The following ACVR2B variants were observed in gnomAD, a reference collection of about 807,000 sequenced individuals.
ACVR2B encodes activin receptor type-2B.
ACVR2B carries 18 observed loss-of-function variants against 65.1 expected under a neutral mutation model. The observed-to-expected ratio is 0.28, with a 90% confidence interval of 0.19 to 0.41. ACVR2B has a LOEUF of 0.41. Ranked by LOEUF, ACVR2B falls within the 10% of genes least tolerant of loss-of-function variation. ACVR2B has a pLI of 1.00. For synonymous variants in ACVR2B, 298 were observed against 277.7 expected (o/e 1.07, Z -0.73); for missense variants, 482 against 682.7 (o/e 0.71, Z 3.28).
intron 6 of ACVR2B, 114 bp downstream of exon 6, chr3:38,479,385 C>A (rs894650369): frequency 1.1e-5 from 17 of 1,483,118 alleles, no homozygotes; most frequent in Non-Finnish European, 1.4e-5. Flanking sequence ...AGTACTCTGC[C>A]CCGGTAGCAC....
chr3:38,477,721 C>T lies in ACVR2B; in HGVS notation c.261-140C>T. The T allele has an allele frequency of 9.3e-7, 1 of 1,072,098 alleles. No individual in the cohort carries two copies. The highest frequency in any genetic ancestry group is 1.5e-6 in the Non-Finnish European group (1 of 687,342). 66.4% of individuals were successfully genotyped at this position (1,072,098 alleles called of 1,614,324 possible). ...CTGTTCTTCCTTGGCTTTGGGTCTC[C>T]TGTAGGGGAGGTGAGTTCACACCGT... On this transcript the variant is annotated intron_variant, in intron 2 of 10. Transcript: ENST00000352511. This position sits in a 1 kb window ranked among gnomAD's most constrained non-coding sequence, Gnocchi z 6.7.
chr3:38,454,347 G>T lies in ACVR2B; in HGVS notation c.25G>T (p.Ala9Ser). Residue 9 changes from alanine to serine, a missense_variant, in exon 1 of 11, where the codon GCC (alanine) becomes TCC (serine). Ala to Ser is a moderately conservative substitution (Grantham distance 99). Around this residue, in one of 5 missense-constraint regions of ACVR2B, gnomAD observed 41 missense variants for 38.2 expected, o/e 1.07. Transcript: ENST00000352511. MTAPWVAL[A>S]LLWGSLCAGS... ...CATGACGGCGCCCTGGGTGGCCCTC[G>T]CCCTCCTCTGGGGATCGCTGTGCGC... The T allele has an allele frequency of 7.7e-7, 1 of 1,297,146 alleles. No homozygotes were observed. The allele number at this position is 1,297,146 out of a possible 1,614,324, so 80.4% of individuals were successfully genotyped here.
intron 1 of ACVR2B, chr3:38,473,665 G>C (rs1709858065): frequency 6.6e-6 from 1 of 152,402 alleles, no homozygotes; most frequent in South Asian, 2.1e-4. Context: ...CAGGGGACTT[G>C]TGTTATGAGG....
intron 1 of ACVR2B, chr3:38,459,825 TGGA>T (rs1327398634): frequency 8.2e-6 from 2 of 244,038 alleles, no homozygotes; most frequent in Non-Finnish European, 1.3e-5. Context: ...GAGGCCCTGG[TGGA>T]GCGGTTGGTA....
At chr3:38,465,424 G>C (rs1216622730) in intron 1 of ACVR2B, among the ~76,000 whole-genome samples, 2 of 148,772 alleles carry the variant, frequency 1.3e-5, no homozygotes, top group Non-Finnish European at 3.0e-5. Context: ...AAAAATAGCA[G>C]TGTTCACTGT....
rs1029942693 is a variant in ACVR2B at position 38,483,104 on chromosome 3, A to G, written c.1345-34A>G. 2 of 1,613,064 alleles carry G rather than the reference A, an allele frequency of 1.2e-6. No homozygotes were observed. Among genetic ancestry groups the G allele is most frequent in the Non-Finnish European group, 1.7e-6 (2 of 1,179,158 alleles). ...TTTTCCTCACTGAAGGGTCCTAACAAAGGTGTCTTTCCTGTCTGCCCTATG... is the reference window on the plus strand; with the variant it reads ...TTTTCCTCACTGAAGGGTCCTAACAGAGGTGTCTTTCCTGTCTGCCCTATG... On this transcript the variant is annotated intron_variant, in intron 10 of 10. Transcript: ENST00000352511. This position sits in a 1 kb window ranked among gnomAD's most constrained non-coding sequence, Gnocchi z 4.8.
At chr3:38,460,503 G>C (rs1709626765) in intron 1 of ACVR2B, among the ~76,000 whole-genome samples, 1 of 152,222 alleles carries the variant, frequency 6.6e-6, no homozygotes, top group Non-Finnish European at 1.5e-5. Context: ...TCCCGGCCCA[G>C]GACCAATAAT....
chr3:38,479,344 G>A (rs1454478739), intron 6 of ACVR2B, 73 bp downstream of exon 6: 22 of 1,607,284 alleles, frequency 1.4e-5, no homozygotes, highest in Non-Finnish European at 1.9e-5. Context: ...ATAATATGAT[G>A]ACCCCTTCCC....
At position 38,484,568 on chromosome 3, in the gene ACVR2B, T is replaced by G. The variant is rs927003293; in HGVS notation, c.*1236T>G. The G allele has an allele frequency of 3.3e-5, 5 of 152,510 alleles. No homozygotes were observed. The highest frequency in any genetic ancestry group is 1.2e-4 in the African/African-American group (5 of 41,464). 9.4% of individuals were successfully genotyped at this position (152,510 alleles called of 1,614,324 possible). On this transcript the variant is annotated 3_prime_UTR_variant, in exon 11 of 11. Coordinates refer to ENST00000352511, the MANE Select transcript of ACVR2B (RefSeq NM_001106.4). ...GGTACATATTCTAAAAAACTGTTTT[T>G]CTATTATGCCATAACCTTGCTCTAG...
At chr3:38,482,927 G>A (rs1365362327) in intron 10 of ACVR2B, among the ~76,000 whole-genome samples, 3 of 152,148 alleles carry the variant, frequency 2.0e-5, no homozygotes, top group Non-Finnish European at 4.4e-5. Flanking sequence ...GTGGAGTGAG[G>A]CCAGTAAGCT....
At chr3:38,459,234 TGA>T (rs1709599907) in intron 1 of ACVR2B, among the ~76,000 whole-genome samples, 1 of 152,052 alleles carries the variant, frequency 6.6e-6, no homozygotes, top group African/African-American at 2.4e-5. Context: ...GCTCAGCACG[TGA>T]GAGTTTGGTT....
chr3:38,458,385 C>T (rs1349565280), intron 1 of ACVR2B, among the ~76,000 whole-genome samples: 1 of 152,224 alleles, frequency 6.6e-6, no homozygotes, highest in Non-Finnish European at 1.5e-5. Context: ...TATGCACCCA[C>T]TCTGTTTTGT....
In ACVR2B at chr3:38,491,735, G is replaced by A. The variant is rs1365911655; in HGVS notation, c.*8403G>A. The A allele has an allele frequency of 2.6e-5, 4 of 152,210 alleles. No homozygotes were observed. The highest frequency in any genetic ancestry group is 2.6e-4 in the Admixed American group (4 of 15,290). 9.4% of individuals were successfully genotyped at this position (152,210 alleles called of 1,614,324 possible). ...ATGTTAAGACTGCCAGTGAGGGAAG[G>A]AATTGTTAAAATGCCAGCGGCTTTT... On this transcript the variant is annotated 3_prime_UTR_variant, in exon 11 of 11. Transcript: ENST00000352511.
In ACVR2B at chr3:38,491,376, A is replaced by G. The variant is rs971590395; in HGVS notation, c.*8044A>G. ...GCTGTTCCGCAGACCATGGGACACA[A>G]GGTCAGTGTGTTCCCAGTGAGGGTC... On this transcript the variant is annotated 3_prime_UTR_variant, in exon 11 of 11. Transcript: ENST00000352511. 1 of 152,638 alleles carries G rather than the reference A, an allele frequency of 6.6e-6. No homozygotes were observed. Among genetic ancestry groups the G allele is most frequent in the African/African-American group, 2.4e-5 (1 of 41,440 alleles). 9.5% of individuals were successfully genotyped at this position (152,638 alleles called of 1,614,324 possible).
chr3:38,482,141 C>T, intron 8 of ACVR2B, 57 bp from the exon 9 acceptor site: 2 of 1,612,856 alleles, frequency 1.2e-6, no homozygotes, highest in African/African-American at 2.7e-5. Flanking sequence ...TCCCATGTCC[C>T]AGCTGTGTGT....
intron 7 of ACVR2B, among the ~76,000 whole-genome samples, chr3:38,480,358 T>C (rs1709997133): frequency 6.6e-6 from 1 of 152,182 alleles, no homozygotes; most frequent in Admixed American, 6.5e-5. Flanking sequence ...GAACCACCCT[T>C]TAAGAAACTC....
In ACVR2B at chr3:38,477,931, G is replaced by A. The variant is rs770339569; in HGVS notation, c.331G>A (p.Glu111Lys). The A allele has an allele frequency of 1.3e-5, 21 of 1,614,068 alleles. No individual in the cohort carries two copies. Among genetic ancestry groups the A allele is most frequent in the Non-Finnish European group, 1.7e-5 (20 of 1,180,000 alleles). The change falls in exon 3 of 11, where the codon GAA becomes AAA. Residue 111 changes from glutamate (E) to lysine (K), a missense_variant. Coordinates refer to ENST00000352511, the MANE Select transcript of ACVR2B (RefSeq NM_001106.4). The surrounding 1 kb of genome is among the most constrained non-coding windows in gnomAD (Gnocchi z 6.7). The stretch of plus-strand genomic sequence containing the variant: ...CTGCTGTGAAGGCAACTTCTGCAAC[G>A]AACGCTTCACTCATTTGCCAGAGGC... ...FCCCEGNFCN[E>K]RFTHLPEAGG... is the part of the protein sequence containing the mutation.
chr3:38,471,494 C>T (rs775348646), intron 1 of ACVR2B, among the ~76,000 whole-genome samples: 3 of 152,186 alleles, frequency 2.0e-5, no homozygotes, highest in African/African-American at 7.2e-5. Flanking sequence ...AACGCCCACA[C>T]ATGAGTGCAC....
At chr3:38,455,108 C>T (rs1208346731) in intron 1 of ACVR2B, among the ~76,000 whole-genome samples, 1 of 152,160 alleles carries the variant, frequency 6.6e-6, no homozygotes, top group Non-Finnish European at 1.5e-5. Flanking sequence ...TCGCCCGCGG[C>T]TGCGGGCGTG....
Sources: gnomAD v4.1 joint callset for allele counts (sites outside exome capture counted in the v4.1 genomes callset) on GRCh38, gnomAD v4.1.1 for gene constraint, gnomAD v4.1.1 regional missense constraint, Gnocchi (gnomAD v3.1) non-coding constraint, MANE v1.5 for transcripts, NCBI Gene and HGNC (gene_info 2026-07-23, HGNC 2026-07-21) for gene names.